Variants in ENTHD1 observed in about 807,000 individuals in gnomAD.
ENTHD1 encodes ENTH domain containing 1.
In ENTHD1, 23 loss-of-function variants were observed where a neutral mutation model predicts 39.1. That is an observed-to-expected ratio of 0.59 (90% CI 0.42 to 0.83). The LOEUF (loss-of-function observed/expected upper bound fraction) is 0.83, where lower values mean the gene tolerates loss of function less well. Ranked by LOEUF, ENTHD1 falls within the 40% of genes least tolerant of loss-of-function variation. ENTHD1 has a pLI of 0.00. For missense variants in ENTHD1, 624 were observed against 705.4 expected (o/e 0.88, Z 1.31); for synonymous variants, 230 against 258.2 (o/e 0.89, Z 1.05).
intron 5 of ENTHD1, among the ~76,000 whole-genome samples, chr22:39,775,999 ACCTCAG>A (rs1221449240): frequency 6.6e-6 from 1 of 151,448 alleles, no homozygotes; most frequent in Admixed American, 6.6e-5. Context: ...CCAGGCTCCC[ACCTCAG>A]CCTCCCAAGT....
chr22:39,790,312 A>T (rs1054166411), intron 5 of ENTHD1, among the ~76,000 whole-genome samples: 3 of 152,186 alleles, frequency 2.0e-5, no homozygotes, highest in Admixed American at 6.5e-5. Context: ...TGGAGGCAAC[A>T]ATGGTGGACA....
intron 5 of ENTHD1, among the ~76,000 whole-genome samples, chr22:39,805,383 A>G (rs1024032343): frequency 1.3e-5 from 2 of 152,292 alleles, no homozygotes; most frequent in Admixed American, 6.5e-5. Flanking sequence ...GAGATGTGTG[A>G]GAGACTAGCA....
At chr22:39,765,119 A>G (rs2065264202) in intron 6 of ENTHD1, 104 bp downstream of exon 6, 3 of 1,433,424 alleles carry the variant, frequency 2.1e-6, no homozygotes, top group South Asian at 3.1e-5. Flanking sequence ...GGAGGGAACA[A>G]AAAAAGGAGA....
At chr22:39,824,158 T>C (rs1251899235) in intron 4 of ENTHD1, among the ~76,000 whole-genome samples, 2 of 151,868 alleles carry the variant, frequency 1.3e-5, no homozygotes, top group Non-Finnish European at 2.9e-5. Flanking sequence ...TGAGGTTTAA[T>C]GTATCATATT....
chr22:39,853,198 T>C (rs1471826402), intron 3 of ENTHD1, among the ~76,000 whole-genome samples: 1 of 152,316 alleles, frequency 6.6e-6, no homozygotes, highest in South Asian at 2.1e-4. Flanking sequence ...AATTTTACCA[T>C]AGGCTAATTA....
chr22:39,850,595 C>T (rs2066027245), intron 3 of ENTHD1, among the ~76,000 whole-genome samples: 1 of 151,890 alleles, frequency 6.6e-6, no homozygotes, highest in South Asian at 2.1e-4. Flanking sequence ...CCATTTGTTC[C>T]ACTTTATGCT....
intron 5 of ENTHD1, among the ~76,000 whole-genome samples, chr22:39,789,653 TAA>T (rs1238253790): frequency 1.3e-5 from 2 of 152,218 alleles, no homozygotes; most frequent in Non-Finnish European, 2.9e-5. Context: ...CTCTAGGTAC[TAA>T]AAATACAACA....
At chr22:39,840,349 G>A (rs994937600) in intron 3 of ENTHD1, among the ~76,000 whole-genome samples, 5 of 152,214 alleles carry the variant, frequency 3.3e-5, no homozygotes, top group Middle Eastern at 3.4e-3. Context: ...CACTGAGCCC[G>A]CACCACTCAG....
chr22:39,773,308 C>T (rs773114293), intron 5 of ENTHD1, among the ~76,000 whole-genome samples: 1 of 152,016 alleles, frequency 6.6e-6, no homozygotes, highest in Non-Finnish European at 1.5e-5. Context: ...TATAAAGCTC[C>T]TATGGCAGAA....
chr22:39,788,264 T>A (rs1291927357), intron 5 of ENTHD1, among the ~76,000 whole-genome samples: 2 of 152,196 alleles, frequency 1.3e-5, no homozygotes, highest in Non-Finnish European at 2.9e-5. Context: ...TAAGAACATT[T>A]GTGATTTATG....
At chr22:39,893,336 C>T (rs2066443819) in intron 1 of ENTHD1, 1 of 152,138 alleles carries the variant, frequency 6.6e-6, no homozygotes, top group South Asian at 2.1e-4. Flanking sequence ...TGGGCAGGGC[C>T]TTTCCTCGGC....
At chr22:39,839,203 G>A (rs1468858465) in intron 3 of ENTHD1, among the ~76,000 whole-genome samples, 1 of 152,104 alleles carries the variant, frequency 6.6e-6, no homozygotes, top group Non-Finnish European at 1.5e-5. Context: ...AAAAAATACT[G>A]AAAAGCGGTA....
In ENTHD1 at chr22:39,748,987, A is replaced by T. The variant is rs1049084563; in HGVS notation, c.1220-4704T>A. On this transcript the variant is annotated intron_variant, in intron 6 of 6. Transcript: ENST00000325157. ...TAAAGTCTGGGACCCACTGCTTTCT[A>T]CTATTTAGCCACCTTTCTTTTGCCT... Among the ~76,000 whole-genome samples the T allele has an allele frequency of 5.9e-5, 9 of 152,216 alleles. No homozygotes were observed. In the East Asian group the frequency reaches 1.7e-3, roughly 29 times the overall value.
At chr22:39,851,842 T>C (rs1006416816) in intron 3 of ENTHD1, among the ~76,000 whole-genome samples, 1 of 152,246 alleles carries the variant, frequency 6.6e-6, no homozygotes, top group Non-Finnish European at 1.5e-5. Context: ...AGACTTCCCA[T>C]ACTTCTTGTG....
chr22:39,863,231 G>A (rs1006397480), intron 2 of ENTHD1, among the ~76,000 whole-genome samples: 1 of 152,136 alleles, frequency 6.6e-6, no homozygotes, highest in African/African-American at 2.4e-5. Flanking sequence ...AGGCAGGCAG[G>A]CAAACAGATG....
rs143105833 is a variant in ENTHD1, at chr22:39,776,037, GC to G, written c.833-10429del. Among the ~76,000 whole-genome samples, 710 of 152,088 alleles carry G rather than the reference GC, an allele frequency of 4.7e-3. 7 individuals are homozygous for G. The highest frequency in any genetic ancestry group is 0.016 in the African/African-American group (666 of 41,464). On this transcript the variant is annotated intron_variant, in intron 5 of 6. Coordinates refer to ENST00000325157, the MANE Select transcript of ENTHD1 (RefSeq NM_152512.4). ...AAGTAGCTGAGGACCATAGGCACAT[GC>G]CACCACATCTGGTTAATTTTTTTTT...
Position 39,845,417 on chromosome 22 carries a change from T to G in ENTHD1, c.593-9459A>C, listed in dbSNP as rs543416069. Reference sequence around the variant, plus strand: ...TCAAGAGACAGTGCCTAGTGAGAGCTGCCTAAGCATCAGCAAGATGTGAAG... The same window carrying G: ...TCAAGAGACAGTGCCTAGTGAGAGCGGCCTAAGCATCAGCAAGATGTGAAG... On this transcript the variant is annotated intron_variant, in intron 3 of 6. Transcript: ENST00000325157. 1.3e-3 allele frequency among the ~76,000 whole-genome samples: 205 copies of G among 152,242 alleles called. 1 individual carries two copies. Among genetic ancestry groups the G allele is most frequent in the African/African-American group, 4.7e-3 (197 of 41,534 alleles).
At chr22:39,866,664 C>A (rs1281669748) in intron 2 of ENTHD1, among the ~76,000 whole-genome samples, 1 of 152,212 alleles carries the variant, frequency 6.6e-6, no homozygotes, top group East Asian at 1.9e-4. Context: ...GTGCCCTATG[C>A]AGACATGGGC....
At chr22:39,805,078 A>C (rs968115444) in intron 5 of ENTHD1, among the ~76,000 whole-genome samples, 7 of 152,206 alleles carry the variant, frequency 4.6e-5, no homozygotes, top group Admixed American at 6.5e-5. Flanking sequence ...CTGGTCATCC[A>C]TCTATCCAAC....
Sources: allele counts gnomAD v4.1 joint callset (sites outside exome capture counted in the v4.1 genomes callset), GRCh38; gene constraint gnomAD v4.1.1; transcripts MANE v1.5; gene names NCBI Gene and HGNC (gene_info 2026-07-23, HGNC 2026-07-21).